Variants in MACROD2 observed in about 807,000 individuals in gnomAD.
MACROD2 encodes ADP-ribose glycohydrolase MACROD2.
In MACROD2, 36 loss-of-function variants were observed where a neutral mutation model predicts 70.4. The ratio of observed to expected loss-of-function variants is 0.51; its 90% CI spans 0.39 to 0.68. MACROD2 has a LOEUF of 0.68. MACROD2 is among the 30% of genes least tolerant of loss of function. The probability of loss-of-function intolerance (pLI) is 0.00; values close to 1 mark genes in which losing one functional copy is unlikely to be tolerated. For missense variants in MACROD2, 496 were observed against 538.4 expected (o/e 0.92, Z 0.78); for synonymous variants, 172 against 178.8 (o/e 0.96, Z 0.30).
At chr20:15,435,398 C>G (rs2146364773) in intron 7 of MACROD2, among the ~76,000 whole-genome samples, 1 of 152,200 alleles carries the variant, frequency 6.6e-6, no homozygotes, top group East Asian at 1.9e-4. Context: ...TTTAAACACA[C>G]ACACAAAAGA....
At chr20:14,808,666 C>A (rs532947463) in intron 5 of MACROD2, among the ~76,000 whole-genome samples, 9 of 151,664 alleles carry the variant, frequency 5.9e-5, no homozygotes, top group Non-Finnish European at 8.8e-5. Context: ...CAAGACCCAT[C>A]ATTGTGCTAT....
chr20:15,826,257 CATT>C (rs2063995910), intron 8 of MACROD2, among the ~76,000 whole-genome samples: 1 of 152,146 alleles, frequency 6.6e-6, no homozygotes, highest in Non-Finnish European at 1.5e-5. Context: ...TATTATTTCA[CATT>C]ATTGTTGTTG....
intron 3 of MACROD2, among the ~76,000 whole-genome samples, chr20:14,336,186 C>G (rs948807342): frequency 6.6e-6 from 1 of 151,872 alleles, no homozygotes; most frequent in African/African-American, 2.4e-5. Context: ...TTTCTAGTGG[C>G]TTTATTTATG....
At chr20:15,338,489 A>G (rs6079765) in intron 6 of MACROD2, among the ~76,000 whole-genome samples, 15,779 of 151,528 alleles carry the variant, frequency 0.1, 1,079 homozygotes, top group Non-Finnish European at 0.15. Flanking sequence ...GGTATCAATC[A>G]GACACAGAGG....
At chr20:15,959,728 T>C (rs949401537) in intron 12 of MACROD2, among the ~76,000 whole-genome samples, 3 of 152,038 alleles carry the variant, frequency 2.0e-5, no homozygotes, top group Admixed American at 6.6e-5. Flanking sequence ...GAAGCGGGGT[T>C]TCACTATGTT....
chr20:15,577,264 A>C (rs1151925), intron 8 of MACROD2, among the ~76,000 whole-genome samples: 1 of 151,672 alleles, frequency 6.6e-6, no homozygotes, highest in East Asian at 1.9e-4. Flanking sequence ...TGCAGTCAAC[A>C]CACCTATTGC....
chr20:14,185,493 A>G (rs1459997250), intron 3 of MACROD2, among the ~76,000 whole-genome samples: 1 of 152,160 alleles, frequency 6.6e-6, no homozygotes, highest in Non-Finnish European at 1.5e-5. Flanking sequence ...TTCAAGGAGT[A>G]TTTATTGAAA....
intron 8 of MACROD2, among the ~76,000 whole-genome samples, chr20:15,857,433 C>T (rs2064369612): frequency 6.6e-6 from 1 of 152,218 alleles, no homozygotes; most frequent in Admixed American, 6.5e-5. Flanking sequence ...CTGTGATGTC[C>T]TGCCGAAGGA....
intron 8 of MACROD2, among the ~76,000 whole-genome samples, chr20:15,688,256 C>T (rs2050253063): frequency 6.6e-6 from 1 of 152,128 alleles, no homozygotes; most frequent in African/African-American, 2.4e-5. Context: ...CATATATTCC[C>T]ATTTGCATTT....
intron 3 of MACROD2, among the ~76,000 whole-genome samples, chr20:14,208,065 G>A (rs2081540497): frequency 6.6e-6 from 1 of 152,218 alleles, no homozygotes; most frequent in Admixed American, 6.5e-5. Flanking sequence ...GGTTACTGCT[G>A]AACTAGAGGA....
Position 14,756,029 on chromosome 20 carries a change from G to GC in MACROD2, c.418+71072dup, listed in dbSNP as rs1325059604. 5.3e-5 allele frequency among the ~76,000 whole-genome samples: 8 copies of GC among 151,820 alleles called. 1 individual carries two copies. The highest frequency in any genetic ancestry group is 1.9e-4 in the African/African-American group (8 of 41,310). Reference sequence around the variant, plus strand: ...TTTCTAAATACTTTCCCTTATCCTTGCCTCTCTCATGCAGTCTTTCATTGT... The same window carrying GC: ...TTTCTAAATACTTTCCCTTATCCTTGCCCTCTCTCATGCAGTCTTTCATTGT... On this transcript the variant is annotated intron_variant, in intron 5 of 17. Transcript: ENST00000684519.
chr20:15,870,284 T>G (rs1207865907), intron 9 of MACROD2, among the ~76,000 whole-genome samples: 2 of 151,660 alleles, frequency 1.3e-5, no homozygotes, highest in Non-Finnish European at 2.9e-5. Context: ...TTTATCTTGA[T>G]CTCATCAATG....
intron 5 of MACROD2, among the ~76,000 whole-genome samples, chr20:14,718,830 T>A (rs2071428530): frequency 6.6e-6 from 1 of 152,212 alleles, no homozygotes; most frequent in Non-Finnish European, 1.5e-5. Context: ...AGTATGTTTC[T>A]TTTACCTAGA....
chr20:14,708,467 A>G (rs1568751084), intron 5 of MACROD2, among the ~76,000 whole-genome samples: 1 of 152,182 alleles, frequency 6.6e-6, no homozygotes, highest in Non-Finnish European at 1.5e-5. Context: ...CTGATTCTTG[A>G]CAACTCTCTA....
chr20:15,002,821 C>T (rs2075006569), intron 5 of MACROD2, among the ~76,000 whole-genome samples: 1 of 152,154 alleles, frequency 6.6e-6, no homozygotes, highest in South Asian at 2.1e-4. Flanking sequence ...TGTAGCCATA[C>T]AGGAATTTGG....
chr20:15,967,682 A>AAT, intron 13 of MACROD2, 52 bp downstream of exon 13: 41 of 321,592 alleles, frequency 1.3e-4, no homozygotes, highest in East Asian at 2.7e-4. Flanking sequence ...TGGGAAACAG[A>AAT]AAAAAAAAAA....
chr20:15,131,115 A>C, intron 5 of MACROD2, among the ~76,000 whole-genome samples: 1 of 152,138 alleles, frequency 6.6e-6, no homozygotes, highest in East Asian at 1.9e-4. Context: ...GGAATCAAAA[A>C]GAATTGACCC....
chr20:15,965,410 A>G (rs1014201637), intron 12 of MACROD2, among the ~76,000 whole-genome samples: 1 of 152,140 alleles, frequency 6.6e-6, no homozygotes, highest in African/African-American at 2.4e-5. Flanking sequence ...GTAAATCACC[A>G]TTGAGGAGAC....
chr20:14,113,129 T>C (rs2054473503), intron 3 of MACROD2, among the ~76,000 whole-genome samples: 1 of 152,054 alleles, frequency 6.6e-6, no homozygotes, highest in Admixed American at 6.6e-5. Context: ...CATTCTTCTC[T>C]AGTTTACCTT....
Sources: allele counts gnomAD v4.1 joint callset (sites outside exome capture counted in the v4.1 genomes callset), GRCh38; gene constraint gnomAD v4.1.1; transcripts MANE v1.5; gene names NCBI Gene and HGNC (gene_info 2026-07-23, HGNC 2026-07-21).